NALF1: variants seen among roughly 807,000 people sequenced by gnomAD.
The protein encoded by NALF1 is NALCN channel auxiliary factor 1, also known as family with sequence similarity 155 member A.
Under a neutral mutation model 48.4 loss-of-function variants are expected in NALF1, and 3 were observed. That is an observed-to-expected ratio of 0.06 (90% CI 0.03 to 0.16). The LOEUF is 0.16. Among genes scored for constraint, NALF1 ranks in the 10% least tolerant of loss-of-function variants. NALF1 has a pLI of 1.00. For missense variants in NALF1, 526 were observed against 571.5 expected (o/e 0.92, Z 0.81); for synonymous variants, 262 against 245.7 (o/e 1.07, Z -0.62).
chr13:107,276,525 C>T (rs1881284408), intron 1 of NALF1, among the ~76,000 whole-genome samples: 1 of 152,108 alleles, frequency 6.6e-6, no homozygotes, highest in South Asian at 2.1e-4. Flanking sequence ...CACTGAAATA[C>T]ATACACATAA....
At chr13:107,588,497 GA>G (rs1236840546) in intron 1 of NALF1, among the ~76,000 whole-genome samples, 1 of 152,072 alleles carries the variant, frequency 6.6e-6, no homozygotes, top group Non-Finnish European at 1.5e-5. Flanking sequence ...CTGCAATTAT[GA>G]GGGTTTGGGC....
chr13:107,663,650 C>T (rs971303526), intron 1 of NALF1, among the ~76,000 whole-genome samples: 12 of 152,166 alleles, frequency 7.9e-5, no homozygotes, highest in African/African-American at 2.7e-4. Context: ...GAAATATAAT[C>T]TGTTTCAGAA....
chr13:107,747,475 CCTCT>C (rs1298376191), intron 1 of NALF1, among the ~76,000 whole-genome samples: 1 of 152,124 alleles, frequency 6.6e-6, no homozygotes, highest in Non-Finnish European at 1.5e-5. Context: ...GTCTTACCTC[CCTCT>C]GTCTCCCATT....
At chr13:107,594,553 T>C (rs1457779550) in intron 1 of NALF1, among the ~76,000 whole-genome samples, 3 of 152,046 alleles carry the variant, frequency 2.0e-5, no homozygotes, top group Non-Finnish European at 4.4e-5. Flanking sequence ...CAAGGCATTG[T>C]ACATTTACTG....
intron 1 of NALF1, among the ~76,000 whole-genome samples, chr13:107,597,151 A>G (rs1044475743): frequency 2.0e-5 from 3 of 152,160 alleles, no homozygotes; most frequent in Admixed American, 6.5e-5. Context: ...GCTTTTGTAG[A>G]TAAGGTGAAT....
chr13:107,653,746 C>G (rs973055879), intron 1 of NALF1, among the ~76,000 whole-genome samples: 3 of 151,832 alleles, frequency 2.0e-5, no homozygotes, highest in Non-Finnish European at 2.9e-5. Context: ...TTTTTGAGGT[C>G]AAAATTACTT....
At chr13:107,515,542 A>T (rs958361204) in intron 1 of NALF1, among the ~76,000 whole-genome samples, 2 of 152,244 alleles carry the variant, frequency 1.3e-5, no homozygotes, top group African/African-American at 4.8e-5. Flanking sequence ...TGAGGAATAA[A>T]CACTGGGTTT....
At chr13:107,458,085 T>C (rs912135097) in intron 1 of NALF1, among the ~76,000 whole-genome samples, 9 of 152,186 alleles carry the variant, frequency 5.9e-5, no homozygotes, top group African/African-American at 2.2e-4. Flanking sequence ...AAAACATTCT[T>C]CATTTATTCA....
intron 1 of NALF1, among the ~76,000 whole-genome samples, chr13:107,629,200 C>T (rs954624836): frequency 1.3e-5 from 2 of 152,148 alleles, no homozygotes; most frequent in African/African-American, 4.8e-5. Context: ...AGTCAAAACA[C>T]ATCTTCATTT....
rs773274667 is a variant in NALF1, at chr13:107,865,829, G to A, written c.768C>T (p.Gly256=). The change falls in exon 1 of 3, where the codon GGC becomes GGT. Residue 256 remains glycine (G), a synonymous_variant. Transcript: ENST00000375915. ...CSLDVVLKEG[G]EMTTCRQCVE... is the part of the protein sequence containing the mutation. ...CGCACTGCCTGCAAGTGGTCATCTC[G>A]CCGCCTTCCTTGAGCACCACATCCA... 1.2e-5 allele frequency: 19 copies of A among 1,614,088 alleles called. No homozygotes were observed. Among genetic ancestry groups the A allele is most frequent in the South Asian group, 8.8e-5 (8 of 91,080 alleles).
At chr13:107,733,283 C>A (rs185274151) in intron 1 of NALF1, among the ~76,000 whole-genome samples, 38 of 152,274 alleles carry the variant, frequency 2.5e-4, no homozygotes, top group African/African-American at 8.4e-4. Context: ...CAGCACATTG[C>A]AAAAGCACTT....
At position 107,866,002 on chromosome 13, in the gene NALF1, C is replaced by T; in HGVS notation, c.595G>A (p.Ala199Thr). Residue 199 changes from alanine (A) to threonine (T), a missense_variant, in exon 1 of 3, where the codon GCG becomes ACG. Physicochemically the swap from Ala to Thr is moderately conservative, Grantham distance 58. Coordinates refer to ENST00000375915, the MANE Select transcript of NALF1 (RefSeq NM_001080396.3). This position sits in a 1 kb window ranked among gnomAD's most constrained non-coding sequence, Gnocchi z 4.4. The part of the protein sequence containing the change: ...AVCARNWSRG[A>T]AGGDGQEVRS... ...ACCTCCTGCCCGTCCCCCCCGGCCG[C>T]CCCCCGACTCCAGTTCCTGGCGCAC... The T allele has an allele frequency of 6.2e-7, 1 of 1,611,850 alleles. No individual in the cohort carries two copies. The highest frequency in any genetic ancestry group is 8.5e-7 in the Non-Finnish European group (1 of 1,179,854).
intron 1 of NALF1, among the ~76,000 whole-genome samples, chr13:107,295,322 A>T (rs1388997321): frequency 6.6e-6 from 1 of 152,214 alleles, no homozygotes; most frequent in Admixed American, 6.5e-5. Flanking sequence ...ACATGATTTC[A>T]TTATTTTTTA....
At chr13:107,528,938 G>C (rs1214565478) in intron 1 of NALF1, among the ~76,000 whole-genome samples, 1 of 152,098 alleles carries the variant, frequency 6.6e-6, no homozygotes, top group African/African-American at 2.4e-5. Context: ...TTTCTATCAT[G>C]AACTGTTAGG....
rs181713694 is a variant in NALF1 at position 107,467,319 on chromosome 13, T to C, written c.916-256564A>G. 3.1e-3 allele frequency among the ~76,000 whole-genome samples: 478 copies of C among 152,352 alleles called. 6 individuals carry two copies. The highest frequency in any genetic ancestry group is 0.011 in the African/African-American group (466 of 41,588). On this transcript the variant is annotated intron_variant, in intron 1 of 2. Coordinates refer to ENST00000375915, the MANE Select transcript of NALF1 (RefSeq NM_001080396.3). ...GATTTTGGCACCTAAAATAGATATA[T>C]ACTTTCATTACTAAGAGACTAAGGT...
intron 1 of NALF1, among the ~76,000 whole-genome samples, chr13:107,310,397 G>T (rs767308447): frequency 3.5e-5 from 5 of 143,920 alleles, no homozygotes; most frequent in African/African-American, 1.3e-4. Flanking sequence ...GAGACAGAGC[G>T]AGATTCCATC....
At chr13:107,250,443 A>G (rs1880675486) in intron 1 of NALF1, among the ~76,000 whole-genome samples, 1 of 152,174 alleles carries the variant, frequency 6.6e-6, no homozygotes, top group Non-Finnish European at 1.5e-5. Context: ...ATTAGAGAAG[A>G]GCCTGCCAAA....
intron 1 of NALF1, among the ~76,000 whole-genome samples, chr13:107,219,533 A>G (rs972111234): frequency 2.0e-5 from 3 of 152,230 alleles, no homozygotes; most frequent in Admixed American, 6.5e-5. Flanking sequence ...ATAAAGGGAT[A>G]ATATATTCAC....
At chr13:107,335,665 C>T (rs1283948931) in intron 1 of NALF1, among the ~76,000 whole-genome samples, 1 of 152,148 alleles carries the variant, frequency 6.6e-6, no homozygotes, top group Non-Finnish European at 1.5e-5. Context: ...AGGCATTTTT[C>T]ACCTTTCTGG....
Sources: gnomAD v4.1 joint callset for allele counts (sites outside exome capture counted in the v4.1 genomes callset) on GRCh38, gnomAD v4.1.1 for gene constraint, Gnocchi (gnomAD v3.1) non-coding constraint, MANE v1.5 for transcripts, NCBI Gene and HGNC (gene_info 2026-07-23, HGNC 2026-07-21) for gene names.